The following TBX18 variants were observed in gnomAD, a reference collection of about 807,000 sequenced individuals.
TBX18 encodes T-box transcription factor TBX18.
In TBX18, 21 loss-of-function variants were observed where a neutral mutation model predicts 55.0. That is an observed-to-expected ratio of 0.38 (90% CI 0.27 to 0.55). TBX18 has a LOEUF of 0.55. Ranked by LOEUF, TBX18 falls within the 20% of genes least tolerant of loss-of-function variation. The pLI is 0.73. For missense variants in TBX18, 840 were observed against 799.6 expected, an observed-to-expected ratio of 1.05 and a Z score of -0.61; for synonymous variants, 342 against 326.1, an observed-to-expected ratio of 1.05 and a Z score of -0.53.
intron 5 of TBX18, 56 bp downstream of exon 5, chr6:84,747,864 T>C: frequency 6.6e-7 from 1 of 1,526,670 alleles, no homozygotes; most frequent in Non-Finnish European, 9.0e-7. Flanking sequence ...ATAGCTAACT[T>C]TCTCTCTTCA....
intron 3 of TBX18, 59 bp from the exon 4 acceptor site, chr6:84,756,928 G>A: frequency 1.3e-6 from 2 of 1,492,670 alleles, no homozygotes; most frequent in South Asian, 1.2e-5. Flanking sequence ...GTCCAACTCA[G>A]TAGAATCAGA....
Position 84,762,701 on chromosome 6 carries a change from G to T in TBX18, c.340C>A (p.Pro114Thr). ...GGAGACCCCTTGGGGGAGCCTCCCG[G>T]TGACGCCAGAGGGGAAGCTCCCTGC... ...FQQGASPLAS[P>T]GGSPKGSPAR... The change falls in exon 2 of 8, where the codon CCG becomes ACG. Residue 114 changes from proline (P) to threonine (T), a missense_variant. By Grantham distance (38) the Pro-to-Thr change is conservative (BLOSUM62 -1). Coordinates refer to ENST00000369663, the MANE Select transcript of TBX18 (RefSeq NM_001080508.3). 3.1e-6 allele frequency: 5 copies of T among 1,611,104 alleles called. No individual in the cohort carries two copies. The highest frequency in any genetic ancestry group is 4.2e-6 in the Non-Finnish European group (5 of 1,179,216).
At chr6:84,744,143 A>C (rs560554173) in intron 6 of TBX18, 118 bp downstream of exon 6, 2 of 935,528 alleles carry the variant, frequency 2.1e-6, no homozygotes, top group East Asian at 5.3e-5. Context: ...AACAGTCCTC[A>C]TCAGAAATGA....
rs534554283 is a variant in TBX18, at chr6:84,748,745, C to T, written c.772-658G>A. 3.3e-5 allele frequency among the ~76,000 whole-genome samples: 5 copies of T among 152,256 alleles called. No individual in the cohort carries two copies. In the South Asian group the frequency reaches 1.0e-3, roughly 32 times the overall value. ...GAAATCTGATAATATGGTTCAACTA[C>T]CTTCTACCCAATGATTCCACATCTG... is the stretch of plus-strand genomic sequence containing the variant. On this transcript the variant is annotated intron_variant, in intron 4 of 7. Transcript: ENST00000369663.
chr6:84,748,655 C>A (rs1383590284), intron 4 of TBX18, among the ~76,000 whole-genome samples: 1 of 152,176 alleles, frequency 6.6e-6, no homozygotes, highest in East Asian at 1.9e-4. Flanking sequence ...GCCTCTATCA[C>A]AATGAGGCTT....
intron 6 of TBX18, among the ~76,000 whole-genome samples, chr6:84,739,418 A>G (rs1440152131): frequency 6.6e-6 from 1 of 152,156 alleles, no homozygotes; most frequent in Admixed American, 6.5e-5. Flanking sequence ...ATCTCCTACC[A>G]TGAATGATTC....
At chr6:84,760,403 G>A (rs1321064006) in intron 2 of TBX18, 47 bp from the exon 3 acceptor site, 3 of 1,351,866 alleles carry the variant, frequency 2.2e-6, no homozygotes, top group Non-Finnish European at 3.1e-6. Context: ...TTTTGTTTGT[G>A]ACTAAGGATG....
At chr6:84,754,727 G>A (rs530150378) in intron 4 of TBX18, among the ~76,000 whole-genome samples, 9 of 152,174 alleles carry the variant, frequency 5.9e-5, no homozygotes, top group Admixed American at 3.9e-4. Flanking sequence ...TTGCTGCCAG[G>A]TATTTATTAG....
At position 84,763,016 on chromosome 6, in the gene TBX18, C is replaced by CCCGCTGGGCCT. The variant is rs1404970542; in HGVS notation, c.293-279_293-269dup. The CCCGCTGGGCCT allele has an allele frequency of 4.4e-4, 247 of 560,396 alleles. 6 individuals are homozygous for CCCGCTGGGCCT. In the East Asian group the frequency reaches 7.6e-3, roughly 17 times the overall value. The allele number at this position is 560,396 out of a possible 1,614,324, so 34.7% of individuals were successfully genotyped here. On this transcript the variant is annotated intron_variant, in intron 1 of 7. Coordinates refer to ENST00000369663, the MANE Select transcript of TBX18 (RefSeq NM_001080508.3). The stretch of plus-strand genomic sequence containing the variant: ...AGGCGCGCGGGCAGCGTCCACCCCA[C>CCCGCTGGGCCT]CCGCTGGGCCTCCGCAGGGCCAAGG...
At chr6:84,763,238 CTTTGGGCCTTCT>C (rs1182096559) in intron 1 of TBX18, 2 of 374,162 alleles carry the variant, frequency 5.3e-6, no homozygotes, top group African/African-American at 2.1e-5. Flanking sequence ...CGGCGCCTCG[CTTTGGGCCTTCT>C]TTTGGGCCGG....
intron 2 of TBX18, among the ~76,000 whole-genome samples, chr6:84,761,223 C>G (rs1233866814): frequency 6.6e-6 from 1 of 152,090 alleles, no homozygotes; most frequent in Admixed American, 6.5e-5. Context: ...TAAGTCCCTT[C>G]CAAGGAAATC....
intron 4 of TBX18, among the ~76,000 whole-genome samples, chr6:84,752,166 A>C (rs1266074192): frequency 6.6e-6 from 1 of 150,430 alleles, no homozygotes; most frequent in Non-Finnish European, 1.5e-5. Context: ...TTTCTACTTT[A>C]AGGACACCTA....
chr6:84,761,076 A>G (rs935439111), intron 2 of TBX18, among the ~76,000 whole-genome samples: 1 of 152,244 alleles, frequency 6.6e-6, no homozygotes, highest in Non-Finnish European at 1.5e-5. Context: ...CCAAAGATGC[A>G]TATCAAAGGA....
At chr6:84,749,974 T>G (rs1374517866) in intron 4 of TBX18, among the ~76,000 whole-genome samples, 5 of 152,190 alleles carry the variant, frequency 3.3e-5, no homozygotes, top group Non-Finnish European at 7.4e-5. Context: ...AGTAATATGT[T>G]CACTAATCCT....
chr6:84,735,447 G>C lies in TBX18; in HGVS notation c.*1238C>G, dbSNP rs1379223920. On this transcript the variant is annotated 3_prime_UTR_variant, in exon 8 of 8. Coordinates refer to ENST00000369663, the MANE Select transcript of TBX18 (RefSeq NM_001080508.3). ...TATCTTCCTTCTTAGTCCTCCAAGA[G>C]GGTCTTTATAGTAATGGGCTTTGGC... The C allele has an allele frequency of 6.6e-6, 1 of 151,800 alleles. No homozygotes were observed. Among genetic ancestry groups the C allele is most frequent in the Non-Finnish European group, 1.5e-5 (1 of 67,840 alleles). The allele number at this position is 151,800 out of a possible 1,614,324, so 9.4% of individuals were successfully genotyped here. A position where few individuals can be genotyped will look rare whatever the true frequency, so the allele number is the denominator to read the frequency against.
Position 84,736,568 on chromosome 6 carries a change from A to G in TBX18, c.*117T>C. On this transcript the variant is annotated 3_prime_UTR_variant, in exon 8 of 8. Coordinates refer to ENST00000369663, the MANE Select transcript of TBX18 (RefSeq NM_001080508.3). ...AAGTCAAAAAACCCAGTGAGCCTTC[A>G]TTTTCTATTATATGTACATTTTATA... 4 of 1,257,200 alleles carry G rather than the reference A, an allele frequency of 3.2e-6. No individual in the cohort carries two copies. The highest frequency in any genetic ancestry group is 2.7e-5 in the East Asian group (1 of 36,998). The allele number at this position is 1,257,200 out of a possible 1,614,324, so 77.9% of individuals were successfully genotyped here. A position where few individuals can be genotyped will look rare whatever the true frequency, so the allele number is the denominator to read the frequency against.
intron 1 of TBX18, 53 bp downstream of exon 1, chr6:84,763,837 G>A (rs1199583834): frequency 1.4e-6 from 2 of 1,441,718 alleles, no homozygotes; most frequent in African/African-American, 1.5e-5. Flanking sequence ...CAGACTCGCA[G>A]AAGTTCAGGT....
chr6:84,762,204 G>C (rs903036193), intron 2 of TBX18, among the ~76,000 whole-genome samples: 1 of 151,980 alleles, frequency 6.6e-6, no homozygotes, highest in African/African-American at 2.4e-5. Flanking sequence ...CTGACAACTA[G>C]AGCCTAAATA....
Position 84,734,322 on chromosome 6 carries a change from C to T in TBX18, c.*2363G>A, listed in dbSNP as rs903106352. The stretch of plus-strand genomic sequence containing the variant: ...ACACATGAAACATGAACAGCAGGCC[C>T]ATTTCTTTCTGCCATGTATTTGAGA... On this transcript the variant is annotated 3_prime_UTR_variant, in exon 8 of 8. Transcript: ENST00000369663. The T allele has an allele frequency of 2.0e-5, 3 of 152,104 alleles. No homozygotes were observed. Among genetic ancestry groups the T allele is most frequent in the Non-Finnish European group, 4.4e-5 (3 of 68,016 alleles). 9.4% of individuals were successfully genotyped at this position (152,104 alleles called of 1,614,324 possible). A position where few individuals can be genotyped will look rare whatever the true frequency, so the allele number is the denominator to read the frequency against.
Sources: gnomAD v4.1 joint callset for allele counts (sites outside exome capture counted in the v4.1 genomes callset) on GRCh38, gnomAD v4.1.1 for gene constraint, MANE v1.5 for transcripts, NCBI Gene and HGNC (gene_info 2026-07-23, HGNC 2026-07-21) for gene names.